PDE4D: variants seen among roughly 807,000 people sequenced by gnomAD.
The protein encoded by PDE4D is phosphodiesterase 4D, also known as 3',5'-cyclic-AMP phosphodiesterase 4D.
PDE4D carries 24 observed loss-of-function variants against 87.4 expected under a neutral mutation model. That is an observed-to-expected ratio of 0.27 (90% CI 0.20 to 0.39). The LOEUF is 0.39. Ranked by LOEUF, PDE4D falls within the 10% of genes least tolerant of loss-of-function variation. The pLI, the probability that PDE4D is intolerant of heterozygous loss-of-function variation, is 1.00. For missense variants in PDE4D, 714 were observed against 1,041.0 expected (o/e 0.69, Z 4.32); for synonymous variants, 384 against 383.2 (o/e 1.00, Z -0.02).
At chr5:59,429,884 C>T (rs1241245659) in intron 1 of PDE4D, among the ~76,000 whole-genome samples, 1 of 152,122 alleles carries the variant, frequency 6.6e-6, no homozygotes, top group Non-Finnish European at 1.5e-5. Flanking sequence ...AATTATAACT[C>T]ATTTATTGCA....
At chr5:60,312,672 C>T (rs1303644319) in intron 1 of PDE4D, among the ~76,000 whole-genome samples, 1 of 152,196 alleles carries the variant, frequency 6.6e-6, no homozygotes, top group Non-Finnish European at 1.5e-5. Flanking sequence ...ATAACCTCCA[C>T]CTGGTCCCAC....
intron 5 of PDE4D, among the ~76,000 whole-genome samples, chr5:59,083,992 T>TG (rs1281860813): frequency 6.6e-6 from 1 of 151,970 alleles, no homozygotes; most frequent in Non-Finnish European, 1.5e-5. Context: ...TGGGTTTTTT[T>TG]GGGGGGGACT....
chr5:59,619,161 G>A (rs1830060445), intron 1 of PDE4D, among the ~76,000 whole-genome samples: 1 of 152,056 alleles, frequency 6.6e-6, no homozygotes, highest in African/African-American at 2.4e-5. Flanking sequence ...TGATTATCAA[G>A]TTTCTGGCTT....
chr5:59,066,985 G>GTTATTTAT (rs1561422518), intron 5 of PDE4D, among the ~76,000 whole-genome samples: 1 of 127,616 alleles, frequency 7.8e-6, no homozygotes, highest in African/African-American at 3.0e-5. Context: ...CACCCAGCTC[G>GTTATTTAT]TGATTTATTT....
At chr5:59,156,331 A>ATATATATATATGTGTGTGTGTGTGTG (rs1384479557) in intron 5 of PDE4D, among the ~76,000 whole-genome samples, 1 of 122,768 alleles carries the variant, frequency 8.1e-6, no homozygotes, top group African/African-American at 3.4e-5. Context: ...ATATATATAT[A>ATATATATATATGTGTGTGTGTGTGTG]TGTGTGTGTG....
At chr5:59,848,612 G>A (rs896208789) in intron 1 of PDE4D, among the ~76,000 whole-genome samples, 2 of 151,926 alleles carry the variant, frequency 1.3e-5, no homozygotes, top group Non-Finnish European at 2.9e-5. Context: ...ATATATCACA[G>A]TTTTAACAAT....
chr5:59,115,481 C>A (rs1282798597), intron 5 of PDE4D, among the ~76,000 whole-genome samples: 1 of 152,034 alleles, frequency 6.6e-6, no homozygotes, highest in African/African-American at 2.4e-5. Context: ...TAATTTGCTT[C>A]ATCCAATTAT....
intron 1 of PDE4D, chr5:60,304,197 T>C (rs562970463): frequency 6.6e-6 from 1 of 152,220 alleles, no homozygotes; most frequent in African/African-American, 2.4e-5. Flanking sequence ...GAGTTCTTGG[T>C]TTGGGGAATT....
intron 6 of PDE4D, 104 bp from the exon 7 acceptor site, chr5:58,993,569 GT>G (rs1474536205): frequency 1.4e-6 from 1 of 690,882 alleles, no homozygotes; most frequent in East Asian, 3.0e-5. Flanking sequence ...GAATTTTTAA[GT>G]TGTCCTGACA....
At chr5:59,661,695 C>T (rs2150288964) in intron 1 of PDE4D, among the ~76,000 whole-genome samples, 1 of 152,268 alleles carries the variant, frequency 6.6e-6, no homozygotes, top group East Asian at 1.9e-4. Flanking sequence ...ACACATAGGG[C>T]AACATTCTCA....
At chr5:59,822,632 C>G (rs1441563139) in intron 1 of PDE4D, among the ~76,000 whole-genome samples, 2 of 152,136 alleles carry the variant, frequency 1.3e-5, no homozygotes, top group Non-Finnish European at 2.9e-5. Context: ...ATCTTTACCA[C>G]TCTAATTTGA....
At chr5:59,025,937 C>T (rs1756150250) in intron 6 of PDE4D, among the ~76,000 whole-genome samples, 2 of 152,210 alleles carry the variant, frequency 1.3e-5, no homozygotes. Context: ...TAATAAAAGC[C>T]AGAGGCTGTC....
intron 1 of PDE4D, among the ~76,000 whole-genome samples, chr5:59,555,499 TA>T (rs1181266904): frequency 2.6e-5 from 4 of 152,026 alleles, no homozygotes; most frequent in African/African-American, 9.7e-5. Context: ...GAACCTAAAA[TA>T]AAAGTTTTGT....
chr5:59,722,400 G>A (rs925872795), intron 1 of PDE4D, among the ~76,000 whole-genome samples: 9 of 152,164 alleles, frequency 5.9e-5, no homozygotes, highest in Admixed American at 2.6e-4. Flanking sequence ...AAAGCACAGT[G>A]CAACTAAAAG....
chr5:59,198,187 G>T (rs1006265770), intron 2 of PDE4D, among the ~76,000 whole-genome samples: 5 of 152,082 alleles, frequency 3.3e-5, no homozygotes, highest in African/African-American at 1.2e-4. Flanking sequence ...AAACAGCTGT[G>T]ATCTGTTTTA....
intron 2 of PDE4D, among the ~76,000 whole-genome samples, chr5:60,143,333 A>G (rs1174878148): frequency 6.6e-6 from 1 of 152,226 alleles, no homozygotes; most frequent in African/African-American, 2.4e-5. Flanking sequence ...AATATTCTAT[A>G]ACAAAATTTT....
intron 2 of PDE4D, among the ~76,000 whole-genome samples, chr5:60,037,644 A>G (rs931131855): frequency 2.6e-5 from 4 of 152,214 alleles, no homozygotes; most frequent in African/African-American, 9.6e-5. Context: ...AAGACAGGTG[A>G]TTCTAAAAAT....
At chr5:60,175,297 T>G (rs541449833) in intron 2 of PDE4D, among the ~76,000 whole-genome samples, 1 of 152,272 alleles carries the variant, frequency 6.6e-6, no homozygotes, top group East Asian at 1.9e-4. Flanking sequence ...TTTCCATATC[T>G]CCTCTGAAAT....
chr5:59,753,869 C>A (rs545682614), intron 1 of PDE4D, among the ~76,000 whole-genome samples: 6 of 152,278 alleles, frequency 3.9e-5, no homozygotes, highest in Admixed American at 3.3e-4. Flanking sequence ...TGTACGTGTT[C>A]ATTTGCAAAG....
Sources: gnomAD v4.1 joint callset for allele counts (sites outside exome capture counted in the v4.1 genomes callset) on GRCh38, gnomAD v4.1.1 for gene constraint, MANE v1.5 for transcripts, NCBI Gene and HGNC (gene_info 2026-07-23, HGNC 2026-07-21) for gene names.